The following PDE6C variants were observed in gnomAD, a reference collection of about 807,000 sequenced individuals.
PDE6C encodes cone cGMP-specific 3',5'-cyclic phosphodiesterase subunit alpha'.
A neutral mutation model predicts 113.1 loss-of-function variants in PDE6C; 75 were observed. The ratio of observed to expected loss-of-function variants is 0.66; its 90% CI spans 0.55 to 0.80. The LOEUF (loss-of-function observed/expected upper bound fraction) is 0.80. Among genes scored for constraint, PDE6C ranks in the 30% least tolerant of loss-of-function variants. The pLI, the probability that PDE6C is intolerant of heterozygous loss-of-function variation, is 0.00. For synonymous variants in PDE6C, 375 were observed against 363.7 expected (o/e 1.03, Z -0.35); for missense variants, 912 against 1,038.6 (o/e 0.88, Z 1.67).
intron 4 of PDE6C, among the ~76,000 whole-genome samples, chr10:93,624,761 G>A (rs190021874): frequency 2.0e-5 from 3 of 152,264 alleles, no homozygotes; most frequent in Admixed American, 2.0e-4. Context: ...ACTTAACAAG[G>A]TAGGGCAGCG....
At chr10:93,662,961 T>A in intron 20 of PDE6C, 67 bp from the exon 21 acceptor site, 1 of 1,357,838 alleles carries the variant, frequency 7.4e-7, no homozygotes, top group South Asian at 1.2e-5. Flanking sequence ...GCTCACTCTC[T>A]GCATATGAAA....
rs569519676 is a variant in PDE6C, at chr10:93,620,576, A to G, written c.481-56A>G. The stretch of plus-strand genomic sequence containing the variant: ...GAGAATGATCTGTCATCATCCCTAG[A>G]TCTACCACTCTATGATTTTGTGCCA... On this transcript the variant is annotated intron_variant, in intron 1 of 21. Coordinates refer to ENST00000371447, the MANE Select transcript of PDE6C (RefSeq NM_006204.4). 739 of 1,556,856 alleles carry G rather than the reference A, an allele frequency of 4.7e-4. 1 individual carries two copies. Among genetic ancestry groups the G allele is most frequent in the Non-Finnish European group, 6.4e-4 (718 of 1,128,254 alleles).
chr10:93,622,482 G>A (rs957941190), intron 4 of PDE6C, among the ~76,000 whole-genome samples: 6 of 151,848 alleles, frequency 4.0e-5, no homozygotes, highest in African/African-American at 1.2e-4. Flanking sequence ...TTTACATGAG[G>A]GTTCATCCTT....
rs150172051 is a variant in PDE6C, at chr10:93,614,683, G to C, written c.480+1478G>C. The stretch of plus-strand genomic sequence containing the variant: ...AGAGATGGGTAAAATGATTTCTGCT[G>C]TTATACTTTGATTAGCCCAGTTCTC... On this transcript the variant is annotated intron_variant, in intron 1 of 21. Transcript: ENST00000371447. Among the ~76,000 whole-genome samples, 8 of 152,286 alleles carry C rather than the reference G, an allele frequency of 5.3e-5. No individual in the cohort carries two copies. The South Asian group carries it at 1.7e-3, about 32-fold the overall frequency.
At chr10:93,646,254 G>A (rs952110790) in intron 15 of PDE6C, among the ~76,000 whole-genome samples, 1 of 152,174 alleles carries the variant, frequency 6.6e-6, no homozygotes, top group Non-Finnish European at 1.5e-5. Context: ...GAGAGCCATG[G>A]AAAGTCACAG....
chr10:93,612,947 C>A lies in PDE6C; in HGVS notation c.222C>A (p.Gly74=), dbSNP rs1457107553. ...ELLWTVQEEG[G]TPEQGVHRAL... ...TGTGGACCGTGCAGGAGGAGGGGGGCACCCCAGAGCAGGGGGTTCACAGGG... is the reference window on the plus strand; with the variant it reads ...TGTGGACCGTGCAGGAGGAGGGGGGAACCCCAGAGCAGGGGGTTCACAGGG... The change falls in exon 1 of 22, where the codon GGC becomes GGA. Residue 74 remains glycine (G), a synonymous_variant. Transcript: ENST00000371447. 4 of 1,613,862 alleles carry A rather than the reference C, an allele frequency of 2.5e-6. No homozygotes were observed. Among genetic ancestry groups the A allele is most frequent in the Non-Finnish European group, 8.5e-7 (1 of 1,179,982 alleles).
At chr10:93,647,393 A>G (rs1052326577) in intron 15 of PDE6C, among the ~76,000 whole-genome samples, 12 of 152,192 alleles carry the variant, frequency 7.9e-5, no homozygotes, top group Admixed American at 6.5e-5. Flanking sequence ...TAGGTAATGA[A>G]AATCCAAGAT....
chr10:93,614,594 T>C (rs748115129), intron 1 of PDE6C, among the ~76,000 whole-genome samples: 3 of 152,188 alleles, frequency 2.0e-5, no homozygotes, highest in Non-Finnish European at 4.4e-5. Context: ...ACTGAGCCCA[T>C]CCCTGCTAGC....
At chr10:93,648,811 A>G (rs1253013028) in intron 15 of PDE6C, among the ~76,000 whole-genome samples, 1 of 152,238 alleles carries the variant, frequency 6.6e-6, no homozygotes, top group Non-Finnish European at 1.5e-5. Flanking sequence ...CAGCATAAAT[A>G]ACAAAATCTT....
At chr10:93,627,895 T>A (rs536995212) in intron 7 of PDE6C, among the ~76,000 whole-genome samples, 99 of 152,306 alleles carry the variant, frequency 6.5e-4, no homozygotes, top group African/African-American at 2.1e-3. Context: ...ACAAAAATAG[T>A]AGACATGGTT....
chr10:93,644,891 AG>A (rs1336029352), intron 14 of PDE6C, among the ~76,000 whole-genome samples: 10 of 17,376 alleles, frequency 5.8e-4, no homozygotes, highest in Non-Finnish European at 1.2e-3. Context: ...ATATTTATAT[AG>A]TATATATAGT....
At chr10:93,632,330 T>C (rs2058505673) in intron 8 of PDE6C, among the ~76,000 whole-genome samples, 1 of 152,212 alleles carries the variant, frequency 6.6e-6, no homozygotes, top group Non-Finnish European at 1.5e-5. Flanking sequence ...GAGATTAGGA[T>C]ATAGACATCT....
Position 93,635,556 on chromosome 10 carries a change from T to A in PDE6C, c.1329T>A (p.Asn443Lys). ...ATACTGACACCTACGATAAGATGAA[T>A]AAGCTAGAAAACAGAAAGGACATTG... ...LLNTDTYDKM[N>K]KLENRKDIAQ... The change falls in exon 10 of 22, where the codon AAT (asparagine) becomes AAA (lysine). Residue 443 changes from asparagine to lysine, a missense_variant. Asn to Lys is a moderately conservative substitution (Grantham distance 94, BLOSUM62 0). Transcript: ENST00000371447. 6.2e-7 allele frequency: 1 copy of A among 1,613,236 alleles called. No individual in the cohort carries two copies. The highest frequency in any genetic ancestry group is 8.5e-7 in the Non-Finnish European group (1 of 1,179,194).
intron 10 of PDE6C, among the ~76,000 whole-genome samples, chr10:93,635,853 G>A (rs975836369): frequency 6.6e-6 from 1 of 152,120 alleles, no homozygotes; most frequent in African/African-American, 2.4e-5. Context: ...ATAGCACTTT[G>A]TTCAAAACAG....
Position 93,622,024 on chromosome 10 carries a change from G to A in PDE6C, c.816G>A (p.Leu272=). ...HKALYTVRSY[L]NCERYSIGLL... ...CGCTCTACACGGTTAGATCATATCTGAACTGTGAACGATACTCCATTGGAC... is the reference window on the plus strand; with the variant it reads ...CGCTCTACACGGTTAGATCATATCTAAACTGTGAACGATACTCCATTGGAC... The change falls in exon 4 of 22, where the codon CTG becomes CTA. Residue 272 remains leucine (L), a synonymous_variant. Coordinates refer to ENST00000371447, the MANE Select transcript of PDE6C (RefSeq NM_006204.4). 1.2e-6 allele frequency: 2 copies of A among 1,613,942 alleles called. No homozygotes were observed. Among genetic ancestry groups the A allele is most frequent in the Non-Finnish European group, 1.7e-6 (2 of 1,179,858 alleles).
chr10:93,640,681 C>T (rs932661366), intron 13 of PDE6C, 124 bp downstream of exon 13: 44 of 779,194 alleles, frequency 5.6e-5, no homozygotes, highest in African/African-American at 3.7e-4. Context: ...AACCCCTCTC[C>T]GCTGCAGATG....
intron 8 of PDE6C, among the ~76,000 whole-genome samples, chr10:93,633,370 G>A (rs903216261): frequency 6.6e-6 from 1 of 151,378 alleles, no homozygotes; most frequent in African/African-American, 2.4e-5. Flanking sequence ...TGAGGCTGAG[G>A]CAGGAGAATC....
At chr10:93,637,109 T>C in intron 11 of PDE6C, 46 bp downstream of exon 11, 1 of 916,356 alleles carries the variant, frequency 1.1e-6, no homozygotes, top group Non-Finnish European at 1.8e-6. Flanking sequence ...ATAGAGGCAT[T>C]ATAAATCAAT....
At chr10:93,616,621 C>T (rs2058420976) in intron 1 of PDE6C, among the ~76,000 whole-genome samples, 1 of 151,082 alleles carries the variant, frequency 6.6e-6, no homozygotes, top group Admixed American at 6.6e-5. Context: ...ATGATTATTG[C>T]CTGTTTTAAA....
Sources: allele counts gnomAD v4.1 joint callset (sites outside exome capture counted in the v4.1 genomes callset), GRCh38; gene constraint gnomAD v4.1.1; transcripts MANE v1.5; gene names NCBI Gene and HGNC (gene_info 2026-07-23, HGNC 2026-07-21).